Variants in CEACAM7 observed in about 807,000 individuals in gnomAD.
The protein encoded by CEACAM7 is CEA cell adhesion molecule 7.
In CEACAM7, 24 loss-of-function variants were observed where a neutral mutation model predicts 25.7. The ratio of observed to expected loss-of-function variants is 0.93; its 90% CI spans 0.68 to 1.31. CEACAM7 has a LOEUF of 1.31. Among genes scored for constraint, CEACAM7 ranks in the 40% most tolerant of loss-of-function variants. The pLI is 0.00. For synonymous variants in CEACAM7, 144 were observed against 129.4 expected, an observed-to-expected ratio of 1.11 and a Z score of -0.77; for missense variants, 324 against 330.1, an observed-to-expected ratio of 0.98 and a Z score of 0.14.
At chr19:41,678,026 C>G (rs185229574) in intron 3 of CEACAM7, among the ~76,000 whole-genome samples, 2 of 152,118 alleles carry the variant, frequency 1.3e-5, no homozygotes, top group Admixed American at 6.6e-5. Flanking sequence ...AACTGCACTG[C>G]AATCTAAAAC....
At chr19:41,676,022 A>G (rs1287093914) in intron 4 of CEACAM7, among the ~76,000 whole-genome samples, 1 of 152,234 alleles carries the variant, frequency 6.6e-6, no homozygotes, top group Non-Finnish European at 1.5e-5. Flanking sequence ...ACATTAACAA[A>G]TATGGCCAAC....
chr19:41,683,556 C>T (rs1325199874), intron 3 of CEACAM7, among the ~76,000 whole-genome samples: 1 of 152,222 alleles, frequency 6.6e-6, no homozygotes, highest in Non-Finnish European at 1.5e-5. Context: ...TTTCTCCCAT[C>T]ACAGGCTGTG....
chr19:41,680,563 G>A (rs2072164528), intron 3 of CEACAM7, among the ~76,000 whole-genome samples: 1 of 152,118 alleles, frequency 6.6e-6, no homozygotes, highest in African/African-American at 2.4e-5. Context: ...GGAATACATA[G>A]AAACCAATGG....
chr19:41,686,471 G>A (rs782248202), intron 2 of CEACAM7, among the ~76,000 whole-genome samples: 5 of 152,156 alleles, frequency 3.3e-5, no homozygotes, highest in Non-Finnish European at 5.9e-5. Flanking sequence ...CAAGAGCCCT[G>A]GGACAGGGAT....
rs2072092174 is a variant in CEACAM7, at chr19:41,674,224, G to A, written c.*552C>T. 1 of 152,238 alleles carries A rather than the reference G, an allele frequency of 6.6e-6. No homozygotes were observed. Among genetic ancestry groups the A allele is most frequent in the African/African-American group, 2.4e-5 (1 of 41,432 alleles). 9.4% of individuals were successfully genotyped at this position (152,238 alleles called of 1,614,324 possible). ...TGAGTCTAGAGGTCTAACTCTAACA[G>A]GGACCACCGTGCATTTGAATAAACA... On this transcript the variant is annotated 3_prime_UTR_variant, in exon 5 of 5. Transcript: ENST00000401731.
intron 3 of CEACAM7, among the ~76,000 whole-genome samples, chr19:41,678,976 A>G (rs1429858857): frequency 1.3e-5 from 2 of 152,248 alleles, no homozygotes; most frequent in Admixed American, 1.3e-4. Flanking sequence ...TTAAGGATAT[A>G]GGAGAAAAAC....
At chr19:41,678,782 T>G (rs183236767) in intron 3 of CEACAM7, among the ~76,000 whole-genome samples, 23 of 152,366 alleles carry the variant, frequency 1.5e-4, no homozygotes, top group Admixed American at 5.2e-4. Context: ...TTTTGCTGAA[T>G]GTTTCATTGA....
chr19:41,683,397 CAA>C (rs2072194610), intron 3 of CEACAM7, among the ~76,000 whole-genome samples: 1 of 152,180 alleles, frequency 6.6e-6, no homozygotes, highest in South Asian at 2.1e-4. Context: ...CCACCCGGAG[CAA>C]AGAGAATAAA....
At chr19:41,685,036 C>T (rs4416132) in intron 2 of CEACAM7, among the ~76,000 whole-genome samples, 80,397 of 151,976 alleles carry the variant, frequency 0.53, 21,289 homozygotes, top group Middle Eastern at 0.63. Flanking sequence ...CAGGTGTATG[C>T]GGAATGGACA....
At position 41,679,968 on chromosome 19, in the gene CEACAM7, A is replaced by ATTTTT. The variant is rs35163344; in HGVS notation, c.707-2470_707-2466dup. Among the ~76,000 whole-genome samples, 86 of 68,880 alleles carry ATTTTT rather than the reference A, an allele frequency of 1.2e-3. 3 individuals carry two copies. Among genetic ancestry groups the ATTTTT allele is most frequent in the African/African-American group, 5.0e-3 (84 of 16,766 alleles). 45.2% of individuals were successfully genotyped at this position (68,880 alleles called of 152,430 possible). A position where few individuals can be genotyped will look rare whatever the true frequency, so the allele number is the denominator to read the frequency against. On this transcript the variant is annotated intron_variant, in intron 3 of 4. Transcript: ENST00000401731. The stretch of plus-strand genomic sequence containing the variant: ...AGGCGTGTGCCACCACACCTGGCTA[A>ATTTTT]TTTTTTTTTTTTTTTTTTTTTTTTT...
intron 2 of CEACAM7, among the ~76,000 whole-genome samples, chr19:41,684,945 G>A (rs2072212357): frequency 6.6e-6 from 1 of 152,184 alleles, no homozygotes; most frequent in African/African-American, 2.4e-5. Flanking sequence ...ACTAGGCAGA[G>A]TCTAAGTGAG....
Position 41,688,128 on chromosome 19 carries a change from A to C in CEACAM7, c.38T>G (p.Ile13Ser). ...SPSACPYRVCIPWQGLLLTAS... is the reference protein window; with the variant it reads ...SPSACPYRVCSPWQGLLLTAS... The stretch of plus-strand genomic sequence containing the variant: ...TGTGAGCAGGAGCCCCTGCCAGGGA[A>C]TGCACACTCTGTATGGACAGGCTGA... The change falls in exon 1 of 5, where the codon ATT becomes AGT. Residue 13 changes from isoleucine to serine, a missense_variant. Transcript: ENST00000401731. 1 of 1,611,398 alleles carries C rather than the reference A, an allele frequency of 6.2e-7. No homozygotes were observed. The highest frequency in any genetic ancestry group is 2.2e-5 in the East Asian group (1 of 44,614).
At chr19:41,678,518 A>G (rs750528142) in intron 3 of CEACAM7, among the ~76,000 whole-genome samples, 23 of 152,160 alleles carry the variant, frequency 1.5e-4, no homozygotes, top group Admixed American at 5.9e-4. Flanking sequence ...AATATTAGCT[A>G]CTGTTGAGGG....
chr19:41,680,554 G>A (rs2072164444), intron 3 of CEACAM7, among the ~76,000 whole-genome samples: 1 of 152,060 alleles, frequency 6.6e-6, no homozygotes, highest in Non-Finnish European at 1.5e-5. Flanking sequence ...TGGCATAAAG[G>A]AATACATAGA....
At position 41,673,644 on chromosome 19, in the gene CEACAM7, A is replaced by T. The variant is rs1361811265; in HGVS notation, c.*1132T>A. ...GTGTGAGTATATGGCATTTAGCATG[A>T]CTGGCTCCATTCTGGAGTCACCAGG... On this transcript the variant is annotated 3_prime_UTR_variant, in exon 5 of 5. Coordinates refer to ENST00000401731, the MANE Select transcript of CEACAM7 (RefSeq NM_001291485.2). 6.6e-6 allele frequency: 1 copy of T among 152,178 alleles called. No individual in the cohort carries two copies. The highest frequency in any genetic ancestry group is 1.9e-4 in the East Asian group (1 of 5,184). The allele number at this position is 152,178 out of a possible 1,614,324, so 9.4% of individuals were successfully genotyped here.
rs2072084004 is a variant in CEACAM7 at position 41,673,328 on chromosome 19, G to T, written c.*1448C>A. The T allele has an allele frequency of 6.6e-6, 1 of 152,152 alleles. No individual in the cohort carries two copies. Among genetic ancestry groups the T allele is most frequent in the Admixed American group, 6.5e-5 (1 of 15,272 alleles). The allele number at this position is 152,152 out of a possible 1,614,324, so 9.4% of individuals were successfully genotyped here. A position where few individuals can be genotyped will look rare whatever the true frequency, so the allele number is the denominator to read the frequency against. On this transcript the variant is annotated 3_prime_UTR_variant, in exon 5 of 5. Transcript: ENST00000401731. ...TTATAGATACAATTGGCTTTTATTT[G>T]TGATTCATGAGTCAGGGCAGTTTCC...
chr19:41,675,283 AAATT>A (rs1240135599), intron 4 of CEACAM7, among the ~76,000 whole-genome samples: 5 of 152,220 alleles, frequency 3.3e-5, no homozygotes, highest in Non-Finnish European at 7.3e-5. Context: ...GTAGGGAGAA[AAATT>A]AATGTTTCAA....
intron 2 of CEACAM7, among the ~76,000 whole-genome samples, chr19:41,685,381 C>T (rs551404835): frequency 2.0e-5 from 3 of 152,010 alleles, no homozygotes; most frequent in African/African-American, 7.2e-5. Context: ...GCTCAAGACA[C>T]CCTCCTGTCT....
chr19:41,675,672 A>G (rs1430428004), intron 4 of CEACAM7, among the ~76,000 whole-genome samples: 3 of 152,228 alleles, frequency 2.0e-5, no homozygotes, highest in African/African-American at 7.2e-5. Flanking sequence ...GAGAAGAATC[A>G]AAACAACTGT....
Sources: gnomAD v4.1 joint callset for allele counts (sites outside exome capture counted in the v4.1 genomes callset) on GRCh38, gnomAD v4.1.1 for gene constraint, MANE v1.5 for transcripts, NCBI Gene and HGNC (gene_info 2026-07-23, HGNC 2026-07-21) for gene names.